The following SAMMSON variants were observed in gnomAD, a reference collection of about 807,000 sequenced individuals.
The protein encoded by SAMMSON is long intergenic non-protein coding RNA 1212.
chr3:70,214,821 G>C (rs536983622), intron 4 of SAMMSON, among the ~76,000 whole-genome samples: 142 of 152,024 alleles, frequency 9.3e-4, no homozygotes, highest in African/African-American at 3.3e-3. Context: ...TCATTTTTAT[G>C]CAGTTACCTT....
chr3:70,046,837 C>T (rs1217347790), intron 3 of SAMMSON, among the ~76,000 whole-genome samples: 1 of 152,008 alleles, frequency 6.6e-6, no homozygotes, highest in Non-Finnish European at 1.5e-5. Flanking sequence ...TCTGGTGGCC[C>T]CTTCCTTTAT....
At chr3:70,118,722 C>A (rs1382319390) in intron 4 of SAMMSON, among the ~76,000 whole-genome samples, 1 of 152,126 alleles carries the variant, frequency 6.6e-6, no homozygotes, top group African/African-American at 2.4e-5. Context: ...GTTGTGGGGA[C>A]CCTGCTGTGG....
At chr3:70,074,181 G>T (rs938071748) in intron 4 of SAMMSON, among the ~76,000 whole-genome samples, 1 of 151,834 alleles carries the variant, frequency 6.6e-6, no homozygotes, top group African/African-American at 2.4e-5. Flanking sequence ...GTTTTGTTTT[G>T]CCTATTCACA....
intron 4 of SAMMSON, among the ~76,000 whole-genome samples, chr3:70,166,945 A>G (rs2067639806): frequency 6.6e-6 from 1 of 152,002 alleles, no homozygotes; most frequent in African/African-American, 2.4e-5. Context: ...TATTTTCTAT[A>G]TCAATGCTGT....
At chr3:70,047,395 A>G (rs2067131047) in intron 3 of SAMMSON, among the ~76,000 whole-genome samples, 1 of 150,960 alleles carries the variant, frequency 6.6e-6, no homozygotes, top group Non-Finnish European at 1.5e-5. Flanking sequence ...GGAGTATAAC[A>G]GTGTGATCTC....
At chr3:70,015,313 A>AC (rs1484249733) in intron 3 of SAMMSON, 2 of 151,894 alleles carry the variant, frequency 1.3e-5, no homozygotes, top group East Asian at 1.9e-4. Context: ...AAACAAACAA[A>AC]AAAAAACCAT....
intron 3 of SAMMSON, among the ~76,000 whole-genome samples, chr3:70,041,625 GA>G (rs1205099271): frequency 6.6e-6 from 1 of 150,892 alleles, no homozygotes; most frequent in African/African-American, 2.4e-5. Context: ...TAAAAAATTT[GA>G]AAAAAATACC....
At chr3:70,249,405 T>C (rs961182736) in intron 5 of SAMMSON, among the ~76,000 whole-genome samples, 4 of 152,158 alleles carry the variant, frequency 2.6e-5, no homozygotes, top group African/African-American at 9.6e-5. Context: ...GAATGCAATT[T>C]AGGAGACAAC....
intron 6 of SAMMSON, among the ~76,000 whole-genome samples, chr3:70,277,483 A>T (rs1247307628): frequency 6.6e-6 from 1 of 152,154 alleles, no homozygotes; most frequent in East Asian, 1.9e-4. Context: ...TCACTTGATA[A>T]TATTTAGAAT....
At chr3:70,032,132 A>C (rs2067068435) in intron 3 of SAMMSON, among the ~76,000 whole-genome samples, 1 of 152,162 alleles carries the variant, frequency 6.6e-6, no homozygotes, top group Admixed American at 6.6e-5. Flanking sequence ...TCTTTTAGGG[A>C]TGAGAGCTGC....
intron 2 of SAMMSON, among the ~76,000 whole-genome samples, chr3:70,418,503 C>A (rs192409700): frequency 2.6e-5 from 4 of 152,300 alleles, no homozygotes; most frequent in African/African-American, 9.6e-5. Context: ...AGTATAAATA[C>A]CCTGCCATCC....
At chr3:70,068,726 G>A (rs943665165) in intron 3 of SAMMSON, 24 of 152,188 alleles carry the variant, frequency 1.6e-4, no homozygotes, top group African/African-American at 5.5e-4. Context: ...GATTATTGTG[G>A]TGTTAGATTT....
At chr3:70,412,920 A>G (rs1325630812) in intron 2 of SAMMSON, among the ~76,000 whole-genome samples, 1 of 152,166 alleles carries the variant, frequency 6.6e-6, no homozygotes, top group Non-Finnish European at 1.5e-5. Context: ...TTCAAGTCAA[A>G]AATGATGCCT....
chr3:70,281,145 G>A (rs1170340087), intron 6 of SAMMSON, among the ~76,000 whole-genome samples: 1 of 152,134 alleles, frequency 6.6e-6, no homozygotes, highest in Non-Finnish European at 1.5e-5. Context: ...AGAGGGTAAA[G>A]AGGAAATTTT....
chr3:70,366,051 C>T lies in SAMMSON; in HGVS notation n.913+7727C>T, dbSNP rs541557817. 3.8e-4 allele frequency among the ~76,000 whole-genome samples: 8 copies of T among 20,964 alleles called. 3 individuals are homozygous for T. Among genetic ancestry groups the T allele is most frequent in the Non-Finnish European group, 5.0e-4 (5 of 9,924 alleles). 13.8% of individuals were successfully genotyped at this position (20,964 alleles called of 152,430 possible). A position where few individuals can be genotyped will look rare whatever the true frequency, so the allele number is the denominator to read the frequency against. On this transcript the variant is annotated intron_variant and non_coding_transcript_variant, in intron 9 of 9. Coordinates refer to ENST00000642114, the Ensembl canonical transcript of SAMMSON. The stretch of plus-strand genomic sequence containing the variant: ...CAGGTCGGACTGCGGACTGCAGTGG[C>T]GCAATCTCGGCTCACTGCAAGCTCC...
intron 2 of SAMMSON, among the ~76,000 whole-genome samples, chr3:70,407,389 G>A (rs1176777854): frequency 2.6e-5 from 4 of 152,066 alleles, no homozygotes; most frequent in Non-Finnish European, 4.4e-5. Flanking sequence ...AGACCCTTCC[G>A]CCTATGAGAC....
At chr3:70,377,051 A>C (rs150252234) in intron 9 of SAMMSON, among the ~76,000 whole-genome samples, 1 of 152,264 alleles carries the variant, frequency 6.6e-6, no homozygotes, top group African/African-American at 2.4e-5. Flanking sequence ...GATATCTTAT[A>C]AAAATGCCCA....
At chr3:70,331,214 CT>C (rs1702619172) in intron 7 of SAMMSON, among the ~76,000 whole-genome samples, 2 of 152,084 alleles carry the variant, frequency 1.3e-5, no homozygotes, top group Non-Finnish European at 2.9e-5. Context: ...CATCATTCTT[CT>C]ATATATTTTT....
intron 7 of SAMMSON, among the ~76,000 whole-genome samples, chr3:70,335,775 AGCT>A (rs1232648248): frequency 6.6e-6 from 1 of 152,034 alleles, no homozygotes; most frequent in Admixed American, 6.6e-5. Context: ...CAAAGGGCAA[AGCT>A]GCTTATTCTG....
Sources: gnomAD v4.1 joint callset for allele counts (sites outside exome capture counted in the v4.1 genomes callset) on GRCh38, gnomAD v4.1.1 for gene constraint, MANE v1.5 for transcripts, NCBI Gene and HGNC (gene_info 2026-07-23, HGNC 2026-07-21) for gene names.